Variants in PLCG2 observed in about 807,000 individuals in gnomAD.
PLCG2 encodes phospholipase C gamma 2, also known as 1-phosphatidylinositol 4,5-bisphosphate phosphodiesterase gamma-2.
PLCG2 carries 69 observed loss-of-function variants against 175.6 expected under a neutral mutation model. The ratio of observed to expected loss-of-function variants is 0.39; its 90% CI spans 0.32 to 0.48. The LOEUF is 0.48. Among genes scored for constraint, PLCG2 ranks in the 20% least tolerant of loss-of-function variants. The pLI, the probability that PLCG2 is intolerant of heterozygous loss-of-function variation, is 0.91. For synonymous variants in PLCG2, 827 were observed against 624.0 expected (o/e 1.33, Z -4.85); for missense variants, 1,798 against 1,650.9 (o/e 1.09, Z -1.54).
At chr16:81,891,958 G>A (rs747842786) in intron 11 of PLCG2, among the ~76,000 whole-genome samples, 3 of 152,234 alleles carry the variant, frequency 2.0e-5, no homozygotes, top group African/African-American at 7.2e-5. Flanking sequence ...TATAGGGAGT[G>A]TGTACCCTGT....
At chr16:81,811,145 T>C (rs142625805) in intron 2 of PLCG2, among the ~76,000 whole-genome samples, 260 of 152,286 alleles carry the variant, frequency 1.7e-3, no homozygotes, top group African/African-American at 6.1e-3. Context: ...GACAGCAGTG[T>C]TGGGGTTGAA....
chr16:81,833,148 G>T (rs558199866), intron 2 of PLCG2, among the ~76,000 whole-genome samples: 64 of 152,254 alleles, frequency 4.2e-4, no homozygotes, highest in African/African-American at 1.5e-3. Flanking sequence ...CCCTGAGTCT[G>T]GTCTGTGAGA....
chr16:81,874,255 G>C (rs1368202302), intron 7 of PLCG2, among the ~76,000 whole-genome samples: 2 of 152,082 alleles, frequency 1.3e-5, no homozygotes, highest in African/African-American at 2.4e-5. Flanking sequence ...GCCATGGAAC[G>C]GTCCACTTTC....
In PLCG2 at chr16:81,959,922, G is replaced by T; in HGVS notation, c.*1924G>T. Reference sequence around the variant, plus strand: ...CTTTAAAGCCACAGTGCTAAGGCCTGCATCCCCTTTCTGCCCAAATGGGTT... The same window carrying T: ...CTTTAAAGCCACAGTGCTAAGGCCTTCATCCCCTTTCTGCCCAAATGGGTT... On this transcript the variant is annotated 3_prime_UTR_variant, in exon 33 of 33. Transcript: ENST00000564138. 5.1e-6 allele frequency: 1 copy of T among 197,694 alleles called. No individual in the cohort carries two copies. The highest frequency in any genetic ancestry group is 7.9e-5 in the East Asian group (1 of 12,708). The allele number at this position is 197,694 out of a possible 1,614,324, so 12.2% of individuals were successfully genotyped here.
In PLCG2 at chr16:81,960,059, G is replaced by A; in HGVS notation, c.*2061G>A. On this transcript the variant is annotated 3_prime_UTR_variant, in exon 33 of 33. Transcript: ENST00000564138. ...ATGCGTGGCCAAAGAGAAGTCAGGG[G>A]ATTATGACATAAATGGTGCTGGGAA... 1 of 218,724 alleles carries A rather than the reference G, an allele frequency of 4.6e-6. No homozygotes were observed. Among genetic ancestry groups the A allele is most frequent in the Non-Finnish European group, 9.2e-6 (1 of 108,976 alleles). 13.5% of individuals were successfully genotyped at this position (218,724 alleles called of 1,614,324 possible).
intron 2 of PLCG2, among the ~76,000 whole-genome samples, chr16:81,837,648 G>T (rs993035255): frequency 6.7e-6 from 1 of 150,222 alleles, no homozygotes; most frequent in Admixed American, 6.6e-5. Flanking sequence ...CCGTCTTCCT[G>T]ATTATGACAA....
At chr16:81,954,702 G>T (rs1373779281) in intron 31 of PLCG2, among the ~76,000 whole-genome samples, 1 of 152,264 alleles carries the variant, frequency 6.6e-6, no homozygotes, top group Middle Eastern at 3.4e-3. Context: ...GTATTCCATG[G>T]TGTATATGTA....
At chr16:81,758,214 G>A (rs1224922656) in intron 2 of PLCG2, among the ~76,000 whole-genome samples, 1 of 152,198 alleles carries the variant, frequency 6.6e-6, no homozygotes, top group African/African-American at 2.4e-5. Flanking sequence ...CTGGGCTCAA[G>A]CGATCTGCCT....
intron 2 of PLCG2, among the ~76,000 whole-genome samples, chr16:81,807,813 G>A (rs1904288538): frequency 1.3e-5 from 2 of 152,196 alleles, no homozygotes; most frequent in African/African-American, 4.8e-5. Context: ...GGCGGGGCTG[G>A]CATGTGACAT....
chr16:81,897,548 CTT>C (rs10710027), intron 13 of PLCG2, among the ~76,000 whole-genome samples: 50 of 128,660 alleles, frequency 3.9e-4, no homozygotes, highest in Middle Eastern at 3.9e-3. Flanking sequence ...CTTTTCTTTT[CTT>C]TTTTTTTTTT....
At chr16:81,932,230 T>A (rs1409962117) in intron 25 of PLCG2, among the ~76,000 whole-genome samples, 2 of 145,030 alleles carry the variant, frequency 1.4e-5, no homozygotes, top group Non-Finnish European at 3.0e-5. Flanking sequence ...AGGTCTGGAA[T>A]TGGGCAGACT....
intron 1 of PLCG2, among the ~76,000 whole-genome samples, chr16:81,779,826 C>T (rs886443593): frequency 5.3e-5 from 8 of 152,226 alleles, no homozygotes; most frequent in Non-Finnish European, 8.8e-5. Context: ...ACGCTCGGAG[C>T]CACACTTCCC....
intron 2 of PLCG2, among the ~76,000 whole-genome samples, chr16:81,770,729 A>G (rs1324042767): frequency 6.6e-6 from 1 of 152,108 alleles, no homozygotes; most frequent in Non-Finnish European, 1.5e-5. Flanking sequence ...CAAAATAATA[A>G]TACTAACTTT....
chr16:81,812,335 C>T (rs1056211535), intron 2 of PLCG2, among the ~76,000 whole-genome samples: 3 of 152,120 alleles, frequency 2.0e-5, no homozygotes, highest in African/African-American at 7.2e-5. Context: ...AGGCGTGAGC[C>T]ACCGCACCCG....
Position 81,779,414 on chromosome 16 carries a change from G to A in PLCG2, c.-58G>A, listed in dbSNP as rs574227095. 3.3e-5 allele frequency: 5 copies of A among 151,404 alleles called. No homozygotes were observed. The highest frequency in any genetic ancestry group is 1.2e-4 in the African/African-American group (5 of 41,454). 9.4% of individuals were successfully genotyped at this position (151,404 alleles called of 1,614,324 possible). Reference sequence around the variant, plus strand: ...GGCAGGCGGGCAGCTGTGCCCGGGCGGCACGGCCAGGTGAGCTGCCCGGCC... The same window carrying A: ...GGCAGGCGGGCAGCTGTGCCCGGGCAGCACGGCCAGGTGAGCTGCCCGGCC... On this transcript the variant is annotated 5_prime_UTR_variant, in exon 1 of 33. Coordinates refer to ENST00000564138, the MANE Select transcript of PLCG2 (RefSeq NM_002661.5).
At chr16:81,749,871 G>C (rs1597302150) in intron 1 of PLCG2, among the ~76,000 whole-genome samples, 1 of 152,164 alleles carries the variant, frequency 6.6e-6, no homozygotes, top group East Asian at 1.9e-4. Flanking sequence ...AACCTAGAAA[G>C]AGCTGAGATG....
chr16:81,751,278 G>T (rs1414308511), intron 1 of PLCG2, among the ~76,000 whole-genome samples: 1 of 152,186 alleles, frequency 6.6e-6, no homozygotes, highest in African/African-American at 2.4e-5. Flanking sequence ...ACTGCCTCCA[G>T]CCTGGAACTA....
chr16:81,755,331 G>A (rs1182375833), intron 1 of PLCG2, among the ~76,000 whole-genome samples: 1 of 151,704 alleles, frequency 6.6e-6, no homozygotes, highest in East Asian at 1.9e-4. Flanking sequence ...CAAGTAGCTG[G>A]GGCTACAGGC....
At chr16:81,891,065 A>C (rs1459609432) in intron 10 of PLCG2, among the ~76,000 whole-genome samples, 1 of 152,114 alleles carries the variant, frequency 6.6e-6, no homozygotes, top group Non-Finnish European at 1.5e-5. Context: ...TGGGAGGTTG[A>C]GGCAGGAGAA....
Sources: allele counts gnomAD v4.1 joint callset (sites outside exome capture counted in the v4.1 genomes callset), GRCh38; gene constraint gnomAD v4.1.1; transcripts MANE v1.5; gene names NCBI Gene and HGNC (gene_info 2026-07-23, HGNC 2026-07-21).